FAT3: variants seen among roughly 807,000 people sequenced by gnomAD.
FAT3 encodes the protein protocadherin Fat 3.
In FAT3, 95 loss-of-function variants were observed where a neutral mutation model predicts 310.2. The ratio of observed to expected loss-of-function variants is 0.31; its 90% confidence interval spans 0.26 to 0.36. The LOEUF (loss-of-function observed/expected upper bound fraction) is 0.36. Ranked by LOEUF, FAT3 falls within the 10% of genes least tolerant of loss-of-function variation. The pLI is 1.00. For synonymous variants in FAT3, 2,314 were observed against 2,192.9 expected (o/e 1.06, Z -1.54); for missense variants, 5,408 against 5,715.6 (o/e 0.95, Z 1.74).
chr11:92,793,937 A>T (rs550671456), intron 9 of FAT3, among the ~76,000 whole-genome samples: 1 of 144,228 alleles, frequency 6.9e-6, no homozygotes, highest in East Asian at 2.0e-4. Flanking sequence ...ACAACCTTCT[A>T]AAAAAAAAAA....
chr11:92,336,681 T>G (rs1948094160), intron 1 of FAT3, among the ~76,000 whole-genome samples: 2 of 152,216 alleles, frequency 1.3e-5, no homozygotes, highest in Non-Finnish European at 2.9e-5. Context: ...ACTGAATTTT[T>G]TGGCCATTTT....
At chr11:92,820,985 A>G (rs1947953205) in intron 13 of FAT3, among the ~76,000 whole-genome samples, 1 of 152,186 alleles carries the variant, frequency 6.6e-6, no homozygotes, top group Non-Finnish European at 1.5e-5. Context: ...CACCTTGGGA[A>G]GGAGCAGTGC....
At chr11:92,829,766 A>G (rs1948193917) in intron 13 of FAT3, among the ~76,000 whole-genome samples, 2 of 152,322 alleles carry the variant, frequency 1.3e-5, no homozygotes, top group Admixed American at 6.5e-5. Flanking sequence ...GTTGTTTTGA[A>G]AAAGAAATAA....
intron 3 of FAT3, among the ~76,000 whole-genome samples, chr11:92,589,830 G>A (rs968152957): frequency 9.9e-5 from 15 of 152,006 alleles, no homozygotes; most frequent in African/African-American, 3.4e-4. Flanking sequence ...AGCACTGTTT[G>A]TCATAAAGGG....
rs1221454904 is a variant in FAT3 at position 92,834,405 on chromosome 11, C to G, written c.9872-465C>G. Among the ~76,000 whole-genome samples, 3 of 152,196 alleles carry G rather than the reference C, an allele frequency of 2.0e-5. No individual in the cohort carries two copies. In the East Asian group the frequency reaches 5.8e-4, roughly 29 times the overall value. On this transcript the variant is annotated intron_variant, in intron 14 of 27. Coordinates refer to ENST00000525166, the MANE Select transcript of FAT3 (RefSeq NM_001367949.2). ...AGTGCATTTTAACTTGGCAAGGCACCTTTGTGGTTAATTCAATTCAGTGAA... is the reference window on the plus strand; with the variant it reads ...AGTGCATTTTAACTTGGCAAGGCACGTTTGTGGTTAATTCAATTCAGTGAA...
chr11:92,859,261 G>A lies in FAT3; in HGVS notation c.11597G>A (p.Arg3866Gln). ...EEDFKLALRL[R>Q]TLQSNGIIMY... ...GATTTCAAACTAGCTCTGCGTCTTC[G>A]AACACTGCAAAGCAATGGGATTATA... is the stretch of plus-strand genomic sequence containing the variant. Residue 3866 changes from arginine (R) to glutamine (Q), a missense_variant, in exon 21 of 28, where the codon CGA (arginine) becomes CAA (glutamine). Physicochemically the swap from Arg to Gln is conservative, Grantham distance 43 (BLOSUM62 1). Coordinates refer to ENST00000525166, the MANE Select transcript of FAT3 (RefSeq NM_001367949.2). The A allele has an allele frequency of 3.1e-6, 5 of 1,613,426 alleles. No homozygotes were observed. The highest frequency in any genetic ancestry group is 4.2e-6 in the Non-Finnish European group (5 of 1,179,678).
intron 3 of FAT3, among the ~76,000 whole-genome samples, chr11:92,640,752 G>A (rs1941928316): frequency 6.6e-6 from 1 of 152,278 alleles, no homozygotes; most frequent in Non-Finnish European, 1.5e-5. Context: ...GTAAAAGGTA[G>A]CCCTGTATTG....
chr11:92,536,853 T>C (rs1216690651), intron 3 of FAT3, among the ~76,000 whole-genome samples: 2 of 152,108 alleles, frequency 1.3e-5, no homozygotes, highest in Non-Finnish European at 2.9e-5. Flanking sequence ...CTCCTTGTCT[T>C]CAATATTTCA....
intron 3 of FAT3, among the ~76,000 whole-genome samples, chr11:92,657,450 G>A (rs886400543): frequency 2.4e-4 from 37 of 152,192 alleles, no homozygotes; most frequent in African/African-American, 5.3e-4. Context: ...GCACAGCCCC[G>A]GACTCTGAGG....
intron 3 of FAT3, among the ~76,000 whole-genome samples, chr11:92,564,377 A>T (rs1196079661): frequency 6.6e-6 from 1 of 150,614 alleles, no homozygotes; most frequent in Admixed American, 6.6e-5. Flanking sequence ...GAGCACCCAG[A>T]TTCATAAAGC....
At chr11:92,673,623 A>C (rs142570587) in intron 3 of FAT3, among the ~76,000 whole-genome samples, 7 of 152,158 alleles carry the variant, frequency 4.6e-5, no homozygotes, top group Admixed American at 3.9e-4. Flanking sequence ...TTAAGTTGGT[A>C]TTTTGGTGTT....
At chr11:92,501,537 G>T (rs115865251) in intron 2 of FAT3, among the ~76,000 whole-genome samples, 28 of 152,136 alleles carry the variant, frequency 1.8e-4, no homozygotes, top group African/African-American at 6.7e-4. Flanking sequence ...TGTGAAAGCC[G>T]TCTAGTAACT....
At chr11:92,706,245 C>G (rs766702361) in intron 4 of FAT3, among the ~76,000 whole-genome samples, 1 of 152,088 alleles carries the variant, frequency 6.6e-6, no homozygotes, top group Non-Finnish European at 1.5e-5. Context: ...AGATGTACCA[C>G]TTAAATTTCC....
In FAT3 at chr11:92,779,131, G is replaced by T. The variant is rs142639930; in HGVS notation, c.4335+4951G>T. On this transcript the variant is annotated intron_variant, in intron 7 of 27. Transcript: ENST00000525166. ...TGAGGAATCACAAGGAGCATTGGCT[G>T]TTATGAGCAAGGGAGGAATAGAGAG... 6.2e-4 allele frequency among the ~76,000 whole-genome samples: 94 copies of T among 152,212 alleles called. 1 individual carries two copies. The highest frequency in any genetic ancestry group is 2.2e-3 in the African/African-American group (91 of 41,520).
intron 11 of FAT3, 58 bp from the exon 12 acceptor site, chr11:92,806,304 A>G: frequency 7.0e-7 from 1 of 1,421,310 alleles, no homozygotes; most frequent in Non-Finnish European, 9.6e-7. Context: ...AATGCTAAAT[A>G]TGGCAATTGC....
At chr11:92,802,157 G>C (rs1309032033) in intron 10 of FAT3, among the ~76,000 whole-genome samples, 2 of 152,158 alleles carry the variant, frequency 1.3e-5, no homozygotes, top group Non-Finnish European at 2.9e-5. Flanking sequence ...ACTAGTCTTT[G>C]TGTCACCTCT....
At chr11:92,396,144 T>A (rs1949864085) in intron 2 of FAT3, among the ~76,000 whole-genome samples, 1 of 152,114 alleles carries the variant, frequency 6.6e-6, no homozygotes, top group Admixed American at 6.5e-5. Flanking sequence ...TAAATAGGTG[T>A]TACATCTAAT....
chr11:92,571,624 G>A (rs1274282923), intron 3 of FAT3, among the ~76,000 whole-genome samples: 4 of 152,286 alleles, frequency 2.6e-5, no homozygotes, highest in African/African-American at 7.2e-5. Flanking sequence ...ATGTGATTCC[G>A]TTGAATACTC....
chr11:92,317,609 G>C (rs996933210), intron 1 of FAT3, among the ~76,000 whole-genome samples: 1 of 152,144 alleles, frequency 6.6e-6, no homozygotes, highest in African/African-American at 2.4e-5. Context: ...GCTTTTTCAT[G>C]GTTGTCAGTA....
Sources: allele counts gnomAD v4.1 joint callset (sites outside exome capture counted in the v4.1 genomes callset), GRCh38; gene constraint gnomAD v4.1.1; transcripts MANE v1.5; gene names NCBI Gene and HGNC (gene_info 2026-07-23, HGNC 2026-07-21).